Variants in UGGT2 observed in about 807,000 individuals in gnomAD.
The protein encoded by UGGT2 is UDP-glucose:glycoprotein glucosyltransferase 2.
Under a neutral mutation model 192.1 loss-of-function variants are expected in UGGT2, and 180 were observed. That is an observed-to-expected ratio of 0.94 (90% confidence interval 0.83 to 1.06). UGGT2 has a LOEUF of 1.06. UGGT2 is among the 50% of genes least tolerant of loss of function. The pLI, the probability that UGGT2 is intolerant of heterozygous loss-of-function variation, is 0.00. For synonymous variants in UGGT2, 580 were observed against 591.0 expected, an observed-to-expected ratio of 0.98 and a Z score of 0.27; for missense variants, 1,849 against 1,795.7, an observed-to-expected ratio of 1.03 and a Z score of -0.54.
intron 26 of UGGT2, among the ~76,000 whole-genome samples, chr13:95,886,512 T>C (rs983305415): frequency 2.0e-5 from 3 of 152,186 alleles, no homozygotes; most frequent in East Asian, 1.9e-4. Context: ...AAAAATTCTG[T>C]ACTTATGGAA....
At chr13:95,853,484 CG>C (rs1889256715) in intron 36 of UGGT2, 58 bp downstream of exon 36, 1 of 1,353,876 alleles carries the variant, frequency 7.4e-7, no homozygotes, top group African/African-American at 1.5e-5. Context: ...TTTATGAGCA[CG>C]GAGTTGGAAC....
chr13:95,954,884 C>G (rs145367024), intron 12 of UGGT2, among the ~76,000 whole-genome samples: 4 of 152,328 alleles, frequency 2.6e-5, no homozygotes, highest in African/African-American at 7.2e-5. Context: ...GAATTTGACA[C>G]TTCATCAACA....
At chr13:95,883,233 A>C (rs1268085787) in intron 27 of UGGT2, among the ~76,000 whole-genome samples, 1 of 152,234 alleles carries the variant, frequency 6.6e-6, no homozygotes, top group Admixed American at 6.5e-5. Context: ...ATGCATAAGA[A>C]GCATGAGAAA....
intron 20 of UGGT2, among the ~76,000 whole-genome samples, chr13:95,908,563 A>T (rs2048367559): frequency 6.6e-6 from 1 of 152,002 alleles, no homozygotes. Context: ...AGTCCCACCA[A>T]CAGTGTAAAA....
rs778301674 is a variant in UGGT2 at position 95,902,885 on chromosome 13, G to A, written c.2471C>T (p.Ser824Phe). Residue 824 changes from serine (S) to phenylalanine (F), a missense_variant, in exon 21 of 39, where the codon TCT (serine) becomes TTT (phenylalanine). Physicochemically the swap from Ser to Phe is radical, Grantham distance 155. Coordinates refer to ENST00000376747, the MANE Select transcript of UGGT2 (RefSeq NM_020121.4). ...AKEEIATAIYSGDKIKTFLIE... is the reference protein window; with the variant it reads ...AKEEIATAIYFGDKIKTFLIE... ...AAGGAATGTTTTAATTTTATCTCCAGAGTAAATAGCTGTAGCAATTTCTTC... is the reference window on the plus strand; with the variant it reads ...AAGGAATGTTTTAATTTTATCTCCAAAGTAAATAGCTGTAGCAATTTCTTC... The A allele has an allele frequency of 6.2e-7, 1 of 1,613,258 alleles. No homozygotes were observed. Among genetic ancestry groups the A allele is most frequent in the Non-Finnish European group, 8.5e-7 (1 of 1,179,538 alleles).
At chr13:95,834,304 C>G (rs957833885) in intron 37 of UGGT2, among the ~76,000 whole-genome samples, 1 of 151,910 alleles carries the variant, frequency 6.6e-6, no homozygotes, top group African/African-American at 2.4e-5. Flanking sequence ...TCATGCCCCT[C>G]GGGGAGCTTT....
intron 12 of UGGT2, among the ~76,000 whole-genome samples, chr13:95,957,771 T>C (rs1314207438): frequency 6.6e-6 from 1 of 152,220 alleles, no homozygotes; most frequent in Non-Finnish European, 1.5e-5. Context: ...GCCTTGACAA[T>C]TACTGCACTA....
rs764164895 is a variant in UGGT2 at position 95,902,945 on chromosome 13, A to G, written c.2411T>C (p.Met804Thr). 2.0e-5 allele frequency: 33 copies of G among 1,613,540 alleles called. 1 individual carries two copies. The South Asian group carries it at 3.4e-4, about 17-fold the overall frequency. The change falls in exon 21 of 39, where the codon ATG becomes ACG. Residue 804 changes from methionine to threonine, a missense_variant. Coordinates refer to ENST00000376747, the MANE Select transcript of UGGT2 (RefSeq NM_020121.4). ...TTGCCCAAGAAAGCTTCTCAAAAAC[A>G]TGTTCTTCTGTGTAAGAAAAGCTGC... ...ILAAFLTQKN[M>T]FLRSFLGQLA...
chr13:95,993,929 T>C (rs1225563868), intron 7 of UGGT2, among the ~76,000 whole-genome samples: 1 of 152,130 alleles, frequency 6.6e-6, no homozygotes, highest in Non-Finnish European at 1.5e-5. Flanking sequence ...GCACTCACCA[T>C]GCTATTCCTT....
chr13:96,043,358 C>T (rs2053219207), intron 1 of UGGT2, among the ~76,000 whole-genome samples: 1 of 152,132 alleles, frequency 6.6e-6, no homozygotes, highest in Admixed American at 6.5e-5. Flanking sequence ...ACAAGAACTG[C>T]TAAAAGGAGC....
chr13:96,046,549 GAAGA>G (rs910227868), intron 1 of UGGT2, among the ~76,000 whole-genome samples: 10 of 152,324 alleles, frequency 6.6e-5, no homozygotes, highest in African/African-American at 1.7e-4. Flanking sequence ...GAGCGATGCA[GAAGA>G]AAGGTGATTT....
chr13:95,959,417 C>T (rs766174861), intron 12 of UGGT2, among the ~76,000 whole-genome samples: 5 of 152,112 alleles, frequency 3.3e-5, no homozygotes, highest in Non-Finnish European at 5.9e-5. Context: ...TGGATCATCC[C>T]GCTCCCCTGC....
chr13:95,901,744 A>T (rs2048110751), intron 21 of UGGT2, among the ~76,000 whole-genome samples: 1 of 152,126 alleles, frequency 6.6e-6, no homozygotes, highest in South Asian at 2.1e-4. Flanking sequence ...ATTTAAGTAT[A>T]AAATGGCCAT....
rs557651936 is a variant in UGGT2, at chr13:96,035,158, C to T, written c.159-3187G>A. Among the ~76,000 whole-genome samples, 5 of 152,276 alleles carry T rather than the reference C, an allele frequency of 3.3e-5. No homozygotes were observed. The East Asian group carries it at 7.7e-4, about 24-fold the overall frequency. ...CTGGAGGCATCATGCTACCTAACTT[C>T]AAACTATACTACAAGGTTACAGTAA... is the stretch of plus-strand genomic sequence containing the variant. On this transcript the variant is annotated intron_variant, in intron 1 of 38. Transcript: ENST00000376747.
intron 24 of UGGT2, among the ~76,000 whole-genome samples, chr13:95,891,415 A>T (rs1234507099): frequency 3.3e-5 from 5 of 152,170 alleles, no homozygotes. Context: ...AGGAACAAAA[A>T]TATCCAAATT....
intron 20 of UGGT2, among the ~76,000 whole-genome samples, chr13:95,916,400 A>G (rs1224259029): frequency 6.6e-6 from 1 of 152,216 alleles, no homozygotes; most frequent in Non-Finnish European, 1.5e-5. Context: ...TTCAAAGGTC[A>G]GCAATCTCAA....
intron 1 of UGGT2, among the ~76,000 whole-genome samples, chr13:96,050,789 C>T (rs1715832917): frequency 6.6e-6 from 1 of 152,226 alleles, no homozygotes; most frequent in African/African-American, 2.4e-5. Flanking sequence ...GAGATACCAT[C>T]TCACACCAGT....
intron 20 of UGGT2, among the ~76,000 whole-genome samples, chr13:95,919,222 T>C (rs906992992): frequency 6.6e-6 from 1 of 152,004 alleles, no homozygotes; most frequent in African/African-American, 2.4e-5. Context: ...TACCTCAAAA[T>C]AATAAAAGCC....
intron 20 of UGGT2, 149 bp from the exon 21 acceptor site, chr13:95,903,209 T>C: frequency 1.6e-6 from 1 of 631,884 alleles, no homozygotes. Flanking sequence ...CTAAATGTGA[T>C]ATACCACTGA....
Sources: allele counts gnomAD v4.1 joint callset (sites outside exome capture counted in the v4.1 genomes callset), GRCh38; gene constraint gnomAD v4.1.1; transcripts MANE v1.5; gene names NCBI Gene and HGNC (gene_info 2026-07-23, HGNC 2026-07-21).